BCAS3: variants seen among roughly 807,000 people sequenced by gnomAD.
BCAS3 encodes the protein BCAS4/BCAS3 fusion.
In BCAS3, 53 loss-of-function variants were observed where a neutral mutation model predicts 116.1. That is an observed-to-expected ratio of 0.46 (90% CI 0.37 to 0.57). The LOEUF (loss-of-function observed/expected upper bound fraction) is 0.57, where lower values mean the gene tolerates loss of function less well. Among genes scored for constraint, BCAS3 ranks in the 20% least tolerant of loss-of-function variants. The pLI is 0.00. For missense variants in BCAS3, 917 were observed against 1,165.4 expected, an observed-to-expected ratio of 0.79 and a Z score of 3.10; for synonymous variants, 391 against 408.2, an observed-to-expected ratio of 0.96 and a Z score of 0.51.
In BCAS3 at chr17:61,026,287, G is replaced by A. The variant is rs1255217427; in HGVS notation, c.1638-8379G>A. On this transcript the variant is annotated intron_variant, in intron 16 of 23. Coordinates refer to ENST00000407086, the MANE Select transcript of BCAS3 (RefSeq NM_017679.5). This position sits in a 1 kb window ranked among gnomAD's most constrained non-coding sequence, Gnocchi z 5.0. The stretch of plus-strand genomic sequence containing the variant: ...AGATATCCTAATTTCCTGGATTATG[G>A]CCAAAAATAGAGAAAAATTATACTA... Among the ~76,000 whole-genome samples, 2 of 151,946 alleles carry A rather than the reference G, an allele frequency of 1.3e-5. No homozygotes were observed. Among genetic ancestry groups the A allele is most frequent in the South Asian group, 2.1e-4 (1 of 4,830 alleles).
At chr17:60,853,394 G>C (rs1281150402) in intron 7 of BCAS3, among the ~76,000 whole-genome samples, 1 of 152,156 alleles carries the variant, frequency 6.6e-6, no homozygotes, top group Admixed American at 6.5e-5. Context: ...GTACATGGAA[G>C]CTTCTTTCAA....
Position 61,141,940 on chromosome 17 carries a change from A to G in BCAS3, c.2425+57376A>G, listed in dbSNP as rs191601381. 7.5e-4 allele frequency among the ~76,000 whole-genome samples: 113 copies of G among 150,854 alleles called. 1 individual carries two copies. The Middle Eastern group carries it at 0.014, about 19-fold the overall frequency. On this transcript the variant is annotated intron_variant, in intron 22 of 23. Transcript: ENST00000407086. This position sits in a 1 kb window ranked among gnomAD's most constrained non-coding sequence, Gnocchi z 4.3. ...AAAAAAGTTAGACAATTATACAGAG[A>G]TACTCAAGTTCTTGAAAGAAGTTTG...
chr17:60,832,764 A>G (rs531109098), intron 7 of BCAS3, among the ~76,000 whole-genome samples: 2 of 152,326 alleles, frequency 1.3e-5, no homozygotes, highest in South Asian at 2.1e-4. Flanking sequence ...ACTGATAACT[A>G]TTAAATTGCT....
In BCAS3 at chr17:61,186,155, C is replaced by T. The variant is rs1018722238; in HGVS notation, c.2425+101591C>T. ...GTGCCTTGAATTGCTATTTAACATA[C>T]GATAGCTTATTTATATATTCATACA... On this transcript the variant is annotated intron_variant, in intron 22 of 23. Transcript: ENST00000407086. The surrounding 1 kb of genome is among the most constrained non-coding windows in gnomAD (Gnocchi z 4.9). Among the ~76,000 whole-genome samples the T allele has an allele frequency of 6.6e-6, 1 of 152,050 alleles. No homozygotes were observed. The highest frequency in any genetic ancestry group is 1.5e-5 in the Non-Finnish European group (1 of 67,996).
Position 61,128,704 on chromosome 17 carries a change from G to A in BCAS3, c.2425+44140G>A. On this transcript the variant is annotated intron_variant, in intron 22 of 23. Transcript: ENST00000407086. The surrounding 1 kb of genome is among the most constrained non-coding windows in gnomAD (Gnocchi z 4.1). ...CAAACATCTGGAAACCAGCATATTG[G>A]CAGTCGTCTCACAACATGATTTTGC... 1.5e-6 allele frequency: 1 copy of A among 663,918 alleles called. No individual in the cohort carries two copies. Among genetic ancestry groups the A allele is most frequent in the Non-Finnish European group, 1.9e-6 (1 of 536,634 alleles). The allele number at this position is 663,918 out of a possible 1,614,324, so 41.1% of individuals were successfully genotyped here.
intron 22 of BCAS3, among the ~76,000 whole-genome samples, chr17:61,177,169 C>G (rs564872981): frequency 9.2e-5 from 14 of 152,282 alleles, no homozygotes; most frequent in African/African-American, 3.4e-4. Flanking sequence ...TAAACATGCA[C>G]TTATCATATG....
intron 22 of BCAS3, among the ~76,000 whole-genome samples, chr17:61,111,421 G>A (rs1319302257): frequency 1.3e-5 from 2 of 150,856 alleles, no homozygotes; most frequent in Admixed American, 6.6e-5. Context: ...ACCAAGGCTC[G>A]AGAACTACGT....
At position 61,390,301 on chromosome 17, in the gene BCAS3, T is replaced by TC. The variant is rs1039404986; in HGVS notation, c.2594-1670dup. On this transcript the variant is annotated intron_variant, in intron 23 of 23. Coordinates refer to ENST00000407086, the MANE Select transcript of BCAS3 (RefSeq NM_017679.5). This position sits in a 1 kb window ranked among gnomAD's most constrained non-coding sequence, Gnocchi z 6.8. ...CTCCATCTCATGGCACGATGGCCTGTCCCCCCAGATTAGGGTGATACTGAA... is the reference window on the plus strand; with the variant it reads ...CTCCATCTCATGGCACGATGGCCTGTCCCCCCCAGATTAGGGTGATACTGAA... 5 of 152,116 alleles carry TC rather than the reference T, an allele frequency of 3.3e-5. No homozygotes were observed. Among genetic ancestry groups the TC allele is most frequent in the African/African-American group, 1.2e-4 (5 of 41,378 alleles). The allele number at this position is 152,116 out of a possible 1,614,324, so 9.4% of individuals were successfully genotyped here. A position where few individuals can be genotyped will look rare whatever the true frequency, so the allele number is the denominator to read the frequency against.
chr17:61,074,889 G>A (rs199720022), intron 19 of BCAS3, 31 bp from the exon 20 acceptor site: 1 of 1,495,412 alleles, frequency 6.7e-7, no homozygotes, highest in Non-Finnish European at 9.2e-7. Context: ...ATGGAATGAA[G>A]TGGTTTAAAT....
intron 22 of BCAS3, among the ~76,000 whole-genome samples, chr17:61,221,531 G>C (rs1001835590): frequency 6.6e-6 from 1 of 152,174 alleles, no homozygotes; most frequent in Non-Finnish European, 1.5e-5. Flanking sequence ...TATCACGATT[G>C]GAAGAAAAAG....
chr17:60,903,748 A>G (rs1380527572), intron 11 of BCAS3, among the ~76,000 whole-genome samples: 1 of 152,188 alleles, frequency 6.6e-6, no homozygotes, highest in Non-Finnish European at 1.5e-5. Context: ...AGAAATCTTA[A>G]TAAAGATTGC....
Position 60,709,277 on chromosome 17 carries a change from G to A in BCAS3, c.273G>A (p.Leu91=). The change falls in exon 5 of 24, where the codon TTG becomes TTA. Residue 91 remains leucine, a synonymous_variant. Coordinates refer to ENST00000407086, the MANE Select transcript of BCAS3 (RefSeq NM_017679.5). ...EIHSTGNEPP[L]LIMIGYSDGM... ...ATAGTACTGGGAATGAACCGCCTTT[G>A]TTGATTATGATTGGCTACAGTGATG... The A allele has an allele frequency of 6.2e-7, 1 of 1,603,530 alleles. No individual in the cohort carries two copies. The highest frequency in any genetic ancestry group is 8.5e-7 in the Non-Finnish European group (1 of 1,170,316).
At chr17:60,913,512 T>A (rs2058625071) in intron 12 of BCAS3, among the ~76,000 whole-genome samples, 1 of 152,138 alleles carries the variant, frequency 6.6e-6, no homozygotes. Flanking sequence ...GATAAGTAGT[T>A]CAGTTGGAGT....
At position 60,815,587 on chromosome 17, in the gene BCAS3, G is replaced by C. The variant is rs960006639; in HGVS notation, c.476+7511G>C. Reference sequence around the variant, plus strand: ...AGCAGGCAACTGATGATGTAGAACAGAAGATGTAATGCTTCCAAAATAATT... The same window carrying C: ...AGCAGGCAACTGATGATGTAGAACACAAGATGTAATGCTTCCAAAATAATT... On this transcript the variant is annotated intron_variant, in intron 7 of 23. Transcript: ENST00000407086. Among the ~76,000 whole-genome samples the C allele has an allele frequency of 9.2e-5, 14 of 152,182 alleles. No individual in the cohort carries two copies. The East Asian group carries it at 2.7e-3, about 29-fold the overall frequency.
chr17:61,174,837 C>T (rs761393390), intron 22 of BCAS3, among the ~76,000 whole-genome samples: 10 of 152,102 alleles, frequency 6.6e-5, no homozygotes, highest in South Asian at 2.1e-4. Context: ...GGAATACACT[C>T]GATAGACACA....
chr17:60,914,768 A>G (rs554115475), intron 12 of BCAS3, among the ~76,000 whole-genome samples: 4 of 152,344 alleles, frequency 2.6e-5, no homozygotes, highest in East Asian at 3.9e-4. Flanking sequence ...CTTAATGAAC[A>G]GTAAATATAT....
At chr17:60,702,559 C>CCT (rs1170917581) in intron 4 of BCAS3, among the ~76,000 whole-genome samples, 5 of 152,046 alleles carry the variant, frequency 3.3e-5, no homozygotes, top group Non-Finnish European at 7.4e-5. Context: ...GTAAAGGAAT[C>CCT]TGGCCTAAGG....
intron 3 of BCAS3, among the ~76,000 whole-genome samples, chr17:60,685,135 T>C (rs2143820721): frequency 6.6e-6 from 1 of 152,272 alleles, no homozygotes. Flanking sequence ...TAACTTAACA[T>C]TTTGCACATT....
intron 2 of BCAS3, among the ~76,000 whole-genome samples, 196 bp from the exon 3 acceptor site, chr17:60,683,786 C>T (rs567098234): frequency 1.7e-4 from 26 of 151,578 alleles, no homozygotes; most frequent in Non-Finnish European, 2.4e-4. Flanking sequence ...GAGCCGAGAT[C>T]GCACCACTAC....
Sources: allele counts gnomAD v4.1 joint callset (sites outside exome capture counted in the v4.1 genomes callset), GRCh38; gene constraint gnomAD v4.1.1; non-coding constraint Gnocchi (gnomAD v3.1); transcripts MANE v1.5; gene names NCBI Gene and HGNC (gene_info 2026-07-23, HGNC 2026-07-21).